KIF1A: variants seen among roughly 807,000 people sequenced by gnomAD.
The protein encoded by KIF1A is kinesin-like protein KIF1A.
A neutral mutation model predicts 227.3 loss-of-function variants in KIF1A; 46 were observed. That is an observed-to-expected ratio of 0.20 (90% confidence interval 0.16 to 0.26). The LOEUF is 0.26. Ranked by LOEUF, KIF1A falls within the 10% of genes least tolerant of loss-of-function variation. The probability of loss-of-function intolerance (pLI) is 1.00; values close to 1 mark genes in which losing one functional copy is unlikely to be tolerated. For missense variants in KIF1A, 1,683 were observed against 2,485.9 expected, an observed-to-expected ratio of 0.68 and a Z score of 6.87; for synonymous variants, 1,022 against 1,012.8, an observed-to-expected ratio of 1.01 and a Z score of -0.17.
chr2:240,750,426 C>T lies in KIF1A; in HGVS notation c.2977+3G>A, dbSNP rs768389531. On this transcript the variant is annotated splice_donor_region_variant and intron_variant, in intron 28 of 48. Transcript: ENST00000498729. Reference sequence around the variant, plus strand: ...CCACACACGGCCTTTGGCCCACACGCACCTGAGATGGCCTGGACGGCCACG... The same window carrying T: ...CCACACACGGCCTTTGGCCCACACGTACCTGAGATGGCCTGGACGGCCACG... 1.9e-6 allele frequency: 3 copies of T among 1,610,004 alleles called. No homozygotes were observed. The Admixed American group carries it at 5.0e-5, about 27-fold the overall frequency.
rs2055066242 is a variant in KIF1A, at chr2:240,787,321, A to G, written c.364-5T>C. 6.2e-7 allele frequency: 1 copy of G among 1,612,672 alleles called. No individual in the cohort carries two copies. Among genetic ancestry groups the G allele is most frequent in the African/African-American group, 1.3e-5 (1 of 74,888 alleles). On this transcript the variant is annotated splice_region_variant and splice_polypyrimidine_tract_variant and intron_variant, in intron 4 of 48. Transcript: ENST00000498729. ...AGAGAAGAGGTCCTCGCAGAGCTGC[A>G]GGAATGGGGGGACAGTCAGCCAGGG... is the stretch of plus-strand genomic sequence containing the variant.
chr2:240,748,726 C>T, intron 28 of KIF1A: 2 of 279,952 alleles, frequency 7.1e-6, no homozygotes, highest in Non-Finnish European at 1.5e-5. Flanking sequence ...GCTGGGCCCC[C>T]TGATTCTCAG....
intron 10 of KIF1A, among the ~76,000 whole-genome samples, chr2:240,777,764 T>C (rs2052961865): frequency 6.6e-6 from 1 of 152,116 alleles, no homozygotes; most frequent in Non-Finnish European, 1.5e-5. Flanking sequence ...GGACCTCGGA[T>C]CCTCAGACGG....
chr2:240,768,235 G>T (rs1474669051), intron 17 of KIF1A, among the ~76,000 whole-genome samples: 3 of 152,232 alleles, frequency 2.0e-5, no homozygotes, highest in Non-Finnish European at 4.4e-5. Flanking sequence ...AGGGGATGGG[G>T]TCTGAAACAG....
rs772882151 is a variant in KIF1A at position 240,761,343 on chromosome 2, G to A, written c.2151C>T (p.Leu717=). 4 of 1,613,152 alleles carry A rather than the reference G, an allele frequency of 2.5e-6. No individual in the cohort carries two copies. In the East Asian group the frequency reaches 6.7e-5, roughly 27 times the overall value. The change falls in exon 24 of 49, where the codon CTC becomes CTT. Residue 717 remains leucine, a synonymous_variant. Transcript: ENST00000498729. ...QWTERECELA[L]WAFRKWKWYQ... The stretch of plus-strand genomic sequence containing the variant: ...ACCACTTCCACTTCCGGAAGGCCCA[G>A]AGCGCCAGCTCACACTCCCGCTCTG...
chr2:240,774,049 C>G (rs560514473), intron 12 of KIF1A, 134 bp downstream of exon 12: 1 of 512,366 alleles, frequency 2.0e-6, no homozygotes, highest in African/African-American at 2.0e-5. Flanking sequence ...TCTCTTCCAG[C>G]CTCACAGAGT....
chr2:240,785,190 C>CGG lies in KIF1A; in HGVS notation c.609-92_609-91dup, dbSNP rs112508829. On this transcript the variant is annotated intron_variant, in intron 6 of 48. Coordinates refer to ENST00000498729, the MANE Select transcript of KIF1A (RefSeq NM_001244008.2). ...GTGCCAGCCCTCTGAACCAGGTCAT[C>CGG]GGGGGGGGCAGTTCCCCCAGACCCC... is the stretch of plus-strand genomic sequence containing the variant. 45 of 1,040,296 alleles carry CGG rather than the reference C, an allele frequency of 4.3e-5. No homozygotes were observed. In the African/African-American group the frequency reaches 6.6e-4, roughly 15 times the overall value. The allele number at this position is 1,040,296 out of a possible 1,614,324, so 64.4% of individuals were successfully genotyped here.
chr2:240,763,472 C>A, intron 20 of KIF1A, 126 bp from the exon 21 acceptor site: 5 of 891,688 alleles, frequency 5.6e-6, no homozygotes, highest in South Asian at 1.8e-5. Flanking sequence ...AGCTCCCAGC[C>A]ACTCCTTCTT....
At chr2:240,777,942 C>T (rs1241054848) in intron 10 of KIF1A, among the ~76,000 whole-genome samples, 2 of 152,216 alleles carry the variant, frequency 1.3e-5, no homozygotes, top group African/African-American at 2.4e-5. Flanking sequence ...GGTTCCCACG[C>T]GGTGCTTCCA....
At chr2:240,720,830 G>A (rs2045268102) in intron 45 of KIF1A, 84 bp downstream of exon 45, 2 of 1,452,820 alleles carry the variant, frequency 1.4e-6, no homozygotes, top group East Asian at 2.5e-5. Context: ...CCCCTGTTCT[G>A]TGCTCTCTGT....
chr2:240,724,080 A>T (rs371423324), intron 40 of KIF1A, 44 bp from the exon 41 acceptor site: 24 of 1,546,298 alleles, frequency 1.6e-5, no homozygotes, highest in Non-Finnish European at 2.1e-5. Flanking sequence ...CAGGCCCCGC[A>T]ACAGGGACAC....
chr2:240,760,645 C>T lies in KIF1A; in HGVS notation c.2444+20G>A. 1 of 1,446,228 alleles carries T rather than the reference C, an allele frequency of 6.9e-7. No individual in the cohort carries two copies. Among genetic ancestry groups the T allele is most frequent in the Non-Finnish European group, 9.1e-7 (1 of 1,098,542 alleles). 89.6% of individuals were successfully genotyped at this position (1,446,228 alleles called of 1,614,324 possible). A position where few individuals can be genotyped will look rare whatever the true frequency, so the allele number is the denominator to read the frequency against. Reference sequence around the variant, plus strand: ...CAGGAGGACCCTCCCACCATCCACCCAGCGGCCCTCCAGCCCCACCTGAGC... The same window carrying T: ...CAGGAGGACCCTCCCACCATCCACCTAGCGGCCCTCCAGCCCCACCTGAGC... On this transcript the variant is annotated intron_variant, in intron 25 of 48. Coordinates refer to ENST00000498729, the MANE Select transcript of KIF1A (RefSeq NM_001244008.2).
At chr2:240,723,125 C>T (rs1418208581) in intron 42 of KIF1A, among the ~76,000 whole-genome samples, 3 of 152,232 alleles carry the variant, frequency 2.0e-5, no homozygotes, top group Non-Finnish European at 4.4e-5. Context: ...AGCCCCGCGA[C>T]TCTCCTTCCG....
rs1335137063 is a variant in KIF1A, at chr2:240,741,394, G to C, written c.3641-17C>G. 4 of 1,523,604 alleles carry C rather than the reference G, an allele frequency of 2.6e-6. No individual in the cohort carries two copies. Among genetic ancestry groups the C allele is most frequent in the Non-Finnish European group, 3.5e-6 (4 of 1,135,034 alleles). 94.4% of individuals were successfully genotyped at this position (1,523,604 alleles called of 1,614,324 possible). On this transcript the variant is annotated splice_polypyrimidine_tract_variant and intron_variant, in intron 34 of 48. Coordinates refer to ENST00000498729, the MANE Select transcript of KIF1A (RefSeq NM_001244008.2). ...TGGCGGGCACTGTAGGGACAGGAGG[G>C]AGGCATGCATGGATGGGAGACCTGA...
chr2:240,810,114 G>A (rs1029626786), intron 1 of KIF1A, among the ~76,000 whole-genome samples: 2 of 151,954 alleles, frequency 1.3e-5, no homozygotes, highest in African/African-American at 2.4e-5. Context: ...GCACCCAGCC[G>A]GAAAGATTTC....
intron 14 of KIF1A, among the ~76,000 whole-genome samples, chr2:240,772,343 T>C (rs1476951205): frequency 6.6e-6 from 1 of 152,076 alleles, no homozygotes; most frequent in African/African-American, 2.4e-5. Flanking sequence ...ATGTAGACCA[T>C]ATGGGTGGGA....
In KIF1A at chr2:240,719,065, C is replaced by T. The variant is rs200511467; in HGVS notation, c.5155G>A (p.Val1719Met). ...ACCTGGGCAGTGGCCAGGTTGAGCA[C>T]GAACCGCTCCACGGTGTCCTTGTCG... ...NSDKDTVERF[V>M]LNLATAQVEY... is the part of the protein sequence containing the mutation. Residue 1719 changes from valine to methionine, a missense_variant, in exon 47 of 49, where the codon GTG (valine) becomes ATG (methionine). By Grantham distance (21) the Val-to-Met change is conservative. Transcript: ENST00000498729. The T allele has an allele frequency of 1.1e-4, 183 of 1,612,306 alleles. No homozygotes were observed. The Admixed American group carries it at 1.3e-3, about 11-fold the overall frequency.
chr2:240,749,453 G>C (rs963131077), intron 28 of KIF1A, among the ~76,000 whole-genome samples: 1 of 152,174 alleles, frequency 6.6e-6, no homozygotes, highest in Admixed American at 6.5e-5. Flanking sequence ...CCATCTGCCT[G>C]TCTGTGTGTC....
At chr2:240,771,634 C>T (rs899334496) in intron 14 of KIF1A, among the ~76,000 whole-genome samples, 1 of 152,190 alleles carries the variant, frequency 6.6e-6, no homozygotes, top group Non-Finnish European at 1.5e-5. Flanking sequence ...TGCAGACCCC[C>T]ACGCTTGTCC....
Sources: allele counts gnomAD v4.1 joint callset (sites outside exome capture counted in the v4.1 genomes callset), GRCh38; gene constraint gnomAD v4.1.1; transcripts MANE v1.5; gene names NCBI Gene and HGNC (gene_info 2026-07-23, HGNC 2026-07-21).